Variants in ZNF20 observed in about 807,000 individuals in gnomAD.
ZNF20 encodes the protein zinc finger protein KOX13.
A neutral mutation model predicts 11.0 loss-of-function variants in ZNF20; 9 were observed. The ratio of observed to expected loss-of-function variants is 0.82; its 90% confidence interval spans 0.49 to 1.43. ZNF20 has a LOEUF of 1.43. Ranked by LOEUF, ZNF20 falls within the 40% of genes most tolerant of loss-of-function variation. ZNF20 has a pLI of 0.00. For missense variants in ZNF20, 528 were observed against 640.8 expected (o/e 0.82, Z 1.90); for synonymous variants, 182 against 213.0 (o/e 0.85, Z 1.27).
In ZNF20 at chr19:12,132,918, T is replaced by C; in HGVS notation, c.1268A>G (p.His423Arg). ...HERTHTGEKP[H>R]ECKQCGKAFR... ...TGCTTTTCCACATTGCTTACATTCA[T>C]GGGGCTTCTCTCCAGTGTGCGTCCT... Residue 423 changes from histidine (H) to arginine (R), a missense_variant, in exon 4 of 4, where the codon CAT (histidine) becomes CGT (arginine). His to Arg is a conservative substitution (Grantham distance 29, BLOSUM62 0). Coordinates refer to ENST00000334213, the MANE Select transcript of ZNF20 (RefSeq NM_021143.4). 1 of 1,614,120 alleles carries C rather than the reference T, an allele frequency of 6.2e-7. No homozygotes were observed. The highest frequency in any genetic ancestry group is 8.5e-7 in the Non-Finnish European group (1 of 1,179,990).
intron 3 of ZNF20, among the ~76,000 whole-genome samples, chr19:12,134,898 C>T (rs1216139963): frequency 6.6e-6 from 1 of 151,742 alleles, no homozygotes; most frequent in African/African-American, 2.4e-5. Context: ...GTTGGGGTCT[C>T]AACTCACCCT....
chr19:12,135,671 A>C, intron 2 of ZNF20, 98 bp downstream of exon 2: 3 of 1,591,436 alleles, frequency 1.9e-6, no homozygotes, highest in Non-Finnish European at 1.7e-6. Context: ...TTTATTCATC[A>C]AAGTATTTTT....
chr19:12,135,473 T>A (rs1976695445), intron 3 of ZNF20, 27 bp downstream of exon 3: 13 of 1,610,876 alleles, frequency 8.1e-6, no homozygotes, highest in Non-Finnish European at 1.0e-5. Context: ...TCTAGAGGCA[T>A]TGCCTTGTCT....
rs369994073 is a variant in ZNF20, at chr19:12,140,166, C to T, written c.3+14G>A. 1.4e-5 allele frequency: 23 copies of T among 1,600,638 alleles called. No homozygotes were observed. Among genetic ancestry groups the T allele is most frequent in the Non-Finnish European group, 1.9e-5 (22 of 1,173,416 alleles). On this transcript the variant is annotated intron_variant, in intron 1 of 3. Coordinates refer to ENST00000334213, the MANE Select transcript of ZNF20 (RefSeq NM_021143.4). ...CCCCTCCCCCGTCTGGGGACTCCGGCCCCATACACTCACCATTTCCCGGCT... is the reference window on the plus strand; with the variant it reads ...CCCCTCCCCCGTCTGGGGACTCCGGTCCCATACACTCACCATTTCCCGGCT...
chr19:12,136,937 G>A (rs1429057866), intron 1 of ZNF20: 2 of 403,456 alleles, frequency 5.0e-6, no homozygotes, highest in East Asian at 1.8e-4. Flanking sequence ...TTCTAGAGTT[G>A]CCTGTTACCG....
intron 1 of ZNF20, 70 bp downstream of exon 1, chr19:12,140,110 A>T (rs1976776864): frequency 1.3e-6 from 2 of 1,556,776 alleles, no homozygotes; most frequent in Non-Finnish European, 1.7e-6. Flanking sequence ...CCCAGATCCC[A>T]CCACAGCCGC....
At chr19:12,135,729 T>C (rs758632550) in intron 2 of ZNF20, 40 bp downstream of exon 2, 1 of 1,608,836 alleles carries the variant, frequency 6.2e-7, no homozygotes, top group South Asian at 1.1e-5. Context: ...TAGAAGCATT[T>C]GTTCTCTAAT....
At position 12,133,043 on chromosome 19, in the gene ZNF20, T is replaced by C. The variant is rs1270079302; in HGVS notation, c.1143A>G (p.Gln381=). The change falls in exon 4 of 4, where the codon CAA becomes CAG. Residue 381 remains glutamine (Q), a synonymous_variant. Coordinates refer to ENST00000334213, the MANE Select transcript of ZNF20 (RefSeq NM_021143.4). ...TGTGCGTCCTTTCATGAATTTGAAG[T>C]TGTGAAGCACATCTAAAGCCTTTCC... ...QCGKGFRCAS[Q]LQIHERTHSG... 6.2e-7 allele frequency: 1 copy of C among 1,614,004 alleles called. No individual in the cohort carries two copies.
chr19:12,139,678 A>C lies in ZNF20; in HGVS notation c.3+502T>G, dbSNP rs1976768042. Among the ~76,000 whole-genome samples the C allele has an allele frequency of 6.6e-6, 1 of 151,830 alleles. No homozygotes were observed. Among genetic ancestry groups the C allele is most frequent in the South Asian group, 2.1e-4 (1 of 4,812 alleles). On this transcript the variant is annotated intron_variant, in intron 1 of 3. Coordinates refer to ENST00000334213, the MANE Select transcript of ZNF20 (RefSeq NM_021143.4). The surrounding 1 kb of genome is among the most constrained non-coding windows in gnomAD (Gnocchi z 4.0). ...CCTGAGTAGCGGGGACTACAGGCGC[A>C]TGCCACCATGCCCGGCTAATTTTTT...
At position 12,133,617 on chromosome 19, in the gene ZNF20, C is replaced by A; in HGVS notation, c.569G>T (p.Arg190Met). ...AGGTCCATCTCCACTGTGCATTACC[C>A]TGTGTCTTTGAATGCATGAATGGGA... ...FISHSCIQRHRVMHSGDGPYK... is the reference protein window; with the variant it reads ...FISHSCIQRHMVMHSGDGPYK... The change falls in exon 4 of 4, where the codon AGG (arginine) becomes ATG (methionine). Residue 190 changes from arginine to methionine, a missense_variant. Physicochemically the swap from Arg to Met is moderately conservative, Grantham distance 91. Coordinates refer to ENST00000334213, the MANE Select transcript of ZNF20 (RefSeq NM_021143.4). 6.2e-7 allele frequency: 1 copy of A among 1,614,222 alleles called. No individual in the cohort carries two copies. The highest frequency in any genetic ancestry group is 8.5e-7 in the Non-Finnish European group (1 of 1,180,036).
intron 1 of ZNF20, among the ~76,000 whole-genome samples, chr19:12,136,307 T>C (rs1486176628): frequency 6.7e-6 from 1 of 148,704 alleles, no homozygotes; most frequent in Non-Finnish European, 1.5e-5. Context: ...ACCCAGGAGG[T>C]AGAGGTTACA....
At chr19:12,140,040 G>C (rs1976774579) in intron 1 of ZNF20, 140 bp downstream of exon 1, 3 of 1,154,866 alleles carry the variant, frequency 2.6e-6, no homozygotes. Flanking sequence ...CCGAGGGGAC[G>C]CAGGGACGAG....
In ZNF20 at chr19:12,132,745, A is replaced by G; in HGVS notation, c.1441T>C (p.Cys481Arg). Residue 481 changes from cysteine (C) to arginine (R), a missense_variant, in exon 4 of 4, where the codon TGT becomes CGT. By Grantham distance (180) the Cys-to-Arg change is radical (BLOSUM62 -3). Coordinates refer to ENST00000334213, the MANE Select transcript of ZNF20 (RefSeq NM_021143.4). ...RTHTGEKPYE[C>R]KHCGKAFISN... Reference sequence around the variant, plus strand: ...ATAAAGGCCTTACCACAGTGCTTACATTCATAGGGTTTCTCTCCAGTGTGA... The same window carrying G: ...ATAAAGGCCTTACCACAGTGCTTACGTTCATAGGGTTTCTCTCCAGTGTGA... 1 of 1,613,950 alleles carries G rather than the reference A, an allele frequency of 6.2e-7. No individual in the cohort carries two copies.
Position 12,132,828 on chromosome 19 carries a change from C to T in ZNF20, c.1358G>A (p.Cys453Tyr), listed in dbSNP as rs1976644451. 1 of 1,614,004 alleles carries T rather than the reference C, an allele frequency of 6.2e-7. No homozygotes were observed. ...RTHTGDKPYE[C>Y]KVCGKAFTCS... The stretch of plus-strand genomic sequence containing the variant: ...AGTGAAGGCTTTGCCACATACCTTA[C>T]ACTCATATGGCTTATCTCCAGTGTG... The change falls in exon 4 of 4, where the codon TGT becomes TAT. Residue 453 changes from cysteine (C) to tyrosine (Y), a missense_variant. By Grantham distance (194) the Cys-to-Tyr change is radical. Coordinates refer to ENST00000334213, the MANE Select transcript of ZNF20 (RefSeq NM_021143.4).
In ZNF20 at chr19:12,134,000, GA is replaced by G. The variant is rs1464201286; in HGVS notation, c.201-16del. ...CTCTCATAAGACTTCAGTGAAAAATGAGAAGCACATTATTAACGGTTTGATT... is the reference window on the plus strand; with the variant it reads ...CTCTCATAAGACTTCAGTGAAAAATGGAAGCACATTATTAACGGTTTGATT... On this transcript the variant is annotated splice_polypyrimidine_tract_variant and intron_variant, in intron 3 of 3. Transcript: ENST00000334213. The G allele has an allele frequency of 1.9e-6, 3 of 1,588,964 alleles. No individual in the cohort carries two copies. In the South Asian group the frequency reaches 3.4e-5, roughly 18 times the overall value.
Position 12,135,867 on chromosome 19 carries a change from A to T in ZNF20, c.41T>A (p.Val14Asp). The T allele has an allele frequency of 1.9e-6, 3 of 1,614,170 alleles. No individual in the cohort carries two copies. The highest frequency in any genetic ancestry group is 2.5e-6 in the Non-Finnish European group (3 of 1,180,030). Residue 14 changes from valine to aspartate, a missense_variant, in exon 2 of 4, where the codon GTC (valine) becomes GAC (aspartate). Coordinates refer to ENST00000334213, the MANE Select transcript of ZNF20 (RefSeq NM_021143.4). ...AGCCCACTCCTCCTGGGTGAAGCTG[A>T]CAGCCACATCCTCAAAGGCCACTGA... ...QDSVAFEDVA[V>D]SFTQEEWALL...
chr19:12,135,060 A>T (rs571499154), intron 3 of ZNF20, among the ~76,000 whole-genome samples: 1 of 152,046 alleles, frequency 6.6e-6, no homozygotes, highest in African/African-American at 2.4e-5. Context: ...ACATTTAAAC[A>T]TATGTTTTTA....
chr19:12,134,801 T>A (rs905836496), intron 3 of ZNF20, among the ~76,000 whole-genome samples: 1 of 152,240 alleles, frequency 6.6e-6, no homozygotes, highest in East Asian at 1.9e-4. Context: ...TATATTTTTT[T>A]AAAATTAGTA....
intron 1 of ZNF20, among the ~76,000 whole-genome samples, 158 bp downstream of exon 1, chr19:12,140,022 C>A (rs1976774107): frequency 1.3e-5 from 2 of 152,166 alleles, no homozygotes; most frequent in South Asian, 2.1e-4. Flanking sequence ...CCCAGCCGCA[C>A]CCTGCGGCCG....
Sources: gnomAD v4.1 joint callset for allele counts (sites outside exome capture counted in the v4.1 genomes callset) on GRCh38, gnomAD v4.1.1 for gene constraint, Gnocchi (gnomAD v3.1) non-coding constraint, MANE v1.5 for transcripts, NCBI Gene and HGNC (gene_info 2026-07-23, HGNC 2026-07-21) for gene names.